The following GLRX3 variants were observed in gnomAD, a reference collection of about 807,000 sequenced individuals.
GLRX3 encodes the protein glutaredoxin-3.
Under a neutral mutation model 49.5 loss-of-function variants are expected in GLRX3, and 22 were observed. The ratio of observed to expected loss-of-function variants is 0.44; its 90% CI spans 0.32 to 0.63. The LOEUF is 0.63. Ranked by LOEUF, GLRX3 falls within the 30% of genes least tolerant of loss-of-function variation. The pLI is 0.05. For missense variants in GLRX3, 385 were observed against 396.3 expected (o/e 0.97, Z 0.24); for synonymous variants, 133 against 140.0 (o/e 0.95, Z 0.35).
chr10:130,146,203 G>A (rs902951511), intron 2 of GLRX3, among the ~76,000 whole-genome samples: 3 of 152,164 alleles, frequency 2.0e-5, no homozygotes, highest in South Asian at 2.1e-4. Flanking sequence ...GTTCCCTGTG[G>A]GTAACTGTGG....
intron 8 of GLRX3, among the ~76,000 whole-genome samples, chr10:130,173,671 T>C (rs781755243): frequency 6.6e-5 from 10 of 152,220 alleles, no homozygotes; most frequent in Non-Finnish European, 1.3e-4. Context: ...TATAACTCAT[T>C]GTTTTTATCA....
chr10:130,142,252 A>G (rs1286158677), intron 1 of GLRX3, among the ~76,000 whole-genome samples: 3 of 152,150 alleles, frequency 2.0e-5, no homozygotes, highest in Non-Finnish European at 2.9e-5. Context: ...CTATGCTTTG[A>G]TAAATGACCT....
Position 130,171,604 on chromosome 10 carries a change from C to A in GLRX3, c.792C>A (p.Ser264Arg). The change falls in exon 8 of 11, where the codon AGC (serine) becomes AGA (arginine). Residue 264 changes from serine to arginine, a missense_variant. Physicochemically the swap from Ser to Arg is moderately radical, Grantham distance 110. Coordinates refer to ENST00000331244, the MANE Select transcript of GLRX3 (RefSeq NM_006541.5). ...TTTAGGAAGCAAAATGTGGATTCAG[C>A]AAACAAATTCTGGAAATACTAAATA... The part of the protein sequence containing the change: ...GNKQEAKCGF[S>R]KQILEILNST... 1.9e-6 allele frequency: 3 copies of A among 1,557,080 alleles called. No homozygotes were observed. Among genetic ancestry groups the A allele is most frequent in the Non-Finnish European group, 2.7e-6 (3 of 1,128,074 alleles).
chr10:130,144,482 T>G (rs1862234727), intron 1 of GLRX3, among the ~76,000 whole-genome samples: 1 of 149,028 alleles, frequency 6.7e-6, no homozygotes, highest in Non-Finnish European at 1.5e-5. Flanking sequence ...TGACAGGCCC[T>G]GGTATGTGAT....
intron 2 of GLRX3, among the ~76,000 whole-genome samples, chr10:130,149,508 A>G (rs1862332131): frequency 6.6e-6 from 1 of 152,002 alleles, no homozygotes; most frequent in Admixed American, 6.6e-5. Context: ...AAAATGAAAT[A>G]GTTAAAATGT....
intron 4 of GLRX3, among the ~76,000 whole-genome samples, chr10:130,164,086 TG>T (rs1862634551): frequency 6.6e-6 from 1 of 152,226 alleles, no homozygotes; most frequent in South Asian, 2.1e-4. Flanking sequence ...GGAGCCCCAC[TG>T]GACTCAGCCT....
intron 8 of GLRX3, among the ~76,000 whole-genome samples, chr10:130,173,445 C>G (rs1251549988): frequency 1.3e-5 from 2 of 152,170 alleles, no homozygotes; most frequent in Non-Finnish European, 2.9e-5. Flanking sequence ...TGCTGGGCGC[C>G]AAATGTATGT....
chr10:130,167,805 G>A (rs1484208612), intron 6 of GLRX3, among the ~76,000 whole-genome samples: 1 of 152,088 alleles, frequency 6.6e-6, no homozygotes, highest in Admixed American at 6.5e-5. Context: ...TCCAATCCAC[G>A]TATGTCAGGC....
intron 8 of GLRX3, among the ~76,000 whole-genome samples, chr10:130,173,849 C>A (rs545726185): frequency 1.3e-5 from 2 of 151,990 alleles, no homozygotes; most frequent in African/African-American, 2.4e-5. Flanking sequence ...TTTGACTGTT[C>A]CCTGTACCAT....
intron 1 of GLRX3, among the ~76,000 whole-genome samples, chr10:130,139,568 G>A (rs893195098): frequency 1.3e-5 from 2 of 151,222 alleles, no homozygotes; most frequent in Middle Eastern, 3.2e-3. Flanking sequence ...CATGAACCTG[G>A]GAGGCGGAGC....
At chr10:130,159,764 A>G in intron 2 of GLRX3, 1 of 1,256,004 alleles carries the variant, frequency 8.0e-7, no homozygotes, top group Non-Finnish European at 1.0e-6. Context: ...CATCTTTTGA[A>G]ATGTGCAACA....
intron 4 of GLRX3, among the ~76,000 whole-genome samples, chr10:130,164,473 T>A (rs1193620151): frequency 6.6e-6 from 1 of 152,174 alleles, no homozygotes; most frequent in Non-Finnish European, 1.5e-5. Flanking sequence ...CAGAATCAGG[T>A]TTCAGAGATG....
intron 2 of GLRX3, among the ~76,000 whole-genome samples, chr10:130,157,316 A>G (rs1311520965): frequency 2.2e-5 from 3 of 136,356 alleles, no homozygotes; most frequent in African/African-American, 5.3e-5. Flanking sequence ...GAGAAGATGG[A>G]TATCTCGGCT....
intron 1 of GLRX3, among the ~76,000 whole-genome samples, chr10:130,137,075 C>T (rs1319141720): frequency 2.0e-5 from 3 of 151,846 alleles, no homozygotes; most frequent in Admixed American, 1.3e-4. Context: ...ATTAGCTAGG[C>T]CTGGCTGCCT....
intron 2 of GLRX3, among the ~76,000 whole-genome samples, chr10:130,158,157 G>A (rs1259622271): frequency 6.6e-6 from 1 of 152,040 alleles, no homozygotes; most frequent in Non-Finnish European, 1.5e-5. Context: ...TTGCTTCCCA[G>A]AAGAATTGTT....
At chr10:130,144,960 A>T (rs1395058857) in intron 1 of GLRX3, among the ~76,000 whole-genome samples, 1 of 152,226 alleles carries the variant, frequency 6.6e-6, no homozygotes, top group Non-Finnish European at 1.5e-5. Context: ...GAGGTGGATG[A>T]ATATTCAGAT....
At chr10:130,137,891 C>A (rs187604457) in intron 1 of GLRX3, among the ~76,000 whole-genome samples, 532 of 152,150 alleles carry the variant, frequency 3.5e-3, no homozygotes, top group Non-Finnish European at 5.5e-3. Flanking sequence ...CTCACCACCA[C>A]GCCCGTCTAA....
rs775905712 is a variant in GLRX3, at chr10:130,141,065, G to A, written c.93-4146G>A. On this transcript the variant is annotated intron_variant, in intron 1 of 10. Coordinates refer to ENST00000331244, the MANE Select transcript of GLRX3 (RefSeq NM_006541.5). The stretch of plus-strand genomic sequence containing the variant: ...AACAGTCCTTTTGTTGGCTGGGCAC[G>A]GTGGCTCATGACTGTAATCCCAGCA... Among the ~76,000 whole-genome samples the A allele has an allele frequency of 1.9e-4, 29 of 152,100 alleles. 1 individual carries two copies. The highest frequency in any genetic ancestry group is 3.7e-4 in the Non-Finnish European group (25 of 68,036).
intron 6 of GLRX3, 124 bp downstream of exon 6, chr10:130,167,104 A>C: frequency 1.9e-6 from 1 of 539,344 alleles, no homozygotes; most frequent in Non-Finnish European, 3.2e-6. Flanking sequence ...AGACGTCATA[A>C]TTGTTTAGTC....
Sources: gnomAD v4.1 joint callset for allele counts (sites outside exome capture counted in the v4.1 genomes callset) on GRCh38, gnomAD v4.1.1 for gene constraint, MANE v1.5 for transcripts, NCBI Gene and HGNC (gene_info 2026-07-23, HGNC 2026-07-21) for gene names.